Variants in GKAP1 observed in about 807,000 individuals in gnomAD.
The protein encoded by GKAP1 is G kinase-anchoring protein 1.
A neutral mutation model predicts 56.7 loss-of-function variants in GKAP1; 31 were observed. The ratio of observed to expected loss-of-function variants is 0.55; its 90% CI spans 0.41 to 0.74. GKAP1 has a LOEUF of 0.74. Among genes scored for constraint, GKAP1 ranks in the 30% least tolerant of loss-of-function variants. GKAP1 has a pLI of 0.00. For synonymous variants in GKAP1, 151 were observed against 138.6 expected, an observed-to-expected ratio of 1.09 and a Z score of -0.63; for missense variants, 364 against 402.3, an observed-to-expected ratio of 0.90 and a Z score of 0.82.
chr9:83,743,439 A>G (rs1943240692), intron 10 of GKAP1, among the ~76,000 whole-genome samples: 1 of 152,000 alleles, frequency 6.6e-6, no homozygotes, highest in Admixed American at 6.6e-5. Flanking sequence ...TAGTAAAAAC[A>G]CAAAAATTAG....
intron 2 of GKAP1, among the ~76,000 whole-genome samples, chr9:83,811,021 A>G (rs1944499090): frequency 6.6e-6 from 1 of 152,274 alleles, no homozygotes; most frequent in Admixed American, 6.5e-5. Flanking sequence ...AAGAAAAGGT[A>G]CAATAAAAAT....
chr9:83,791,554 GATTTAA>G (rs1179826774), intron 4 of GKAP1, among the ~76,000 whole-genome samples: 1 of 152,152 alleles, frequency 6.6e-6, no homozygotes, highest in Non-Finnish European at 1.5e-5. Context: ...AGACAAAAAT[GATTTAA>G]ATTTAAATTT....
rs1277968830 is a variant in GKAP1, at chr9:83,779,529, A to ATATGTGTATATATATACACGTG, written c.585+831_585+852dup. Among the ~76,000 whole-genome samples, 376 of 130,950 alleles carry ATATGTGTATATATATACACGTG rather than the reference A, an allele frequency of 2.9e-3. 14 individuals carry two copies. Among genetic ancestry groups the ATATGTGTATATATATACACGTG allele is most frequent in the Middle Eastern group, 4.1e-3 (1 of 244 alleles). 85.9% of individuals were successfully genotyped at this position (130,950 alleles called of 152,430 possible). A position where few individuals can be genotyped will look rare whatever the true frequency, so the allele number is the denominator to read the frequency against. On this transcript the variant is annotated intron_variant, in intron 7 of 12. Transcript: ENST00000376371. ...TATATGTGTATATATATACACGTGT[A>ATATGTGTATATATATACACGTG]TATGTGTATATATATACACGTGTAT...
At chr9:83,802,262 C>T (rs1442863570) in intron 3 of GKAP1, among the ~76,000 whole-genome samples, 4 of 151,798 alleles carry the variant, frequency 2.6e-5, no homozygotes, top group Admixed American at 6.6e-5. Flanking sequence ...AGGCGGATCA[C>T]GAGGTCAGGA....
intron 3 of GKAP1, 141 bp from the exon 4 acceptor site, chr9:83,799,469 ATTAT>A: frequency 1.7e-6 from 1 of 598,804 alleles, no homozygotes; most frequent in African/African-American, 1.9e-5. Context: ...AGCTAAAGTT[ATTAT>A]TTGTGTTTTC....
chr9:83,781,701 C>G (rs1461616653), intron 6 of GKAP1, among the ~76,000 whole-genome samples: 1 of 152,152 alleles, frequency 6.6e-6, no homozygotes, highest in African/African-American at 2.4e-5. Context: ...TCATGACTTG[C>G]AAAAGCTGTG....
chr9:83,754,367 A>G (rs1255824754), intron 8 of GKAP1, among the ~76,000 whole-genome samples: 1 of 152,236 alleles, frequency 6.6e-6, no homozygotes, highest in African/African-American at 2.4e-5. Flanking sequence ...GGTTCTATTT[A>G]TCTAAGGAGT....
chr9:83,769,269 T>A (rs1444488480), intron 7 of GKAP1, among the ~76,000 whole-genome samples: 1 of 152,200 alleles, frequency 6.6e-6, no homozygotes, highest in Admixed American at 6.5e-5. Context: ...TCCAATTTAA[T>A]GTGTACAAGA....
intron 7 of GKAP1, among the ~76,000 whole-genome samples, chr9:83,771,503 T>C (rs770511262): frequency 1.3e-5 from 2 of 152,218 alleles, no homozygotes. Context: ...TGAAAAAAAT[T>C]TATTTGTATA....
intron 8 of GKAP1, among the ~76,000 whole-genome samples, chr9:83,761,114 T>TG (rs1943563113): frequency 6.8e-6 from 1 of 147,106 alleles, no homozygotes; most frequent in Admixed American, 6.7e-5. Flanking sequence ...AAATTAAACT[T>TG]GAAAAAAAAC....
chr9:83,807,038 C>T (rs376552270), intron 2 of GKAP1, among the ~76,000 whole-genome samples: 6 of 152,136 alleles, frequency 3.9e-5, no homozygotes, highest in African/African-American at 1.4e-4. Context: ...AGGTTTGATT[C>T]TAGAGACTGT....
intron 2 of GKAP1, among the ~76,000 whole-genome samples, chr9:83,806,796 A>G (rs1250717411): frequency 6.6e-6 from 1 of 152,240 alleles, no homozygotes; most frequent in East Asian, 1.9e-4. Context: ...TCATTTTTCC[A>G]TGTATACTTT....
chr9:83,752,197 T>A (rs981067914), intron 9 of GKAP1, among the ~76,000 whole-genome samples: 3 of 151,850 alleles, frequency 2.0e-5, no homozygotes, highest in African/African-American at 7.3e-5. Flanking sequence ...AGGTCAGGAG[T>A]TCGAGACCAG....
rs1345913892 is a variant in GKAP1 at position 83,797,359 on chromosome 9, TGCC to T, written c.360+1823_360+1825del. Among the ~76,000 whole-genome samples the T allele has an allele frequency of 2.6e-5, 4 of 152,260 alleles. No individual in the cohort carries two copies. The East Asian group carries it at 7.7e-4, about 29-fold the overall frequency. On this transcript the variant is annotated intron_variant, in intron 4 of 12. Transcript: ENST00000376371. ...AACACCCCCTACATTGTATGCTTTC[TGCC>T]TAGTATATAGTCATTGCCTGATCCC... is the stretch of plus-strand genomic sequence containing the variant.
chr9:83,799,112 T>C, intron 4 of GKAP1, 73 bp downstream of exon 4: 1 of 1,290,936 alleles, frequency 7.7e-7, no homozygotes, highest in Admixed American at 1.7e-5. Context: ...GTGACGTGAA[T>C]TCAGAGGCAC....
chr9:83,745,921 G>T (rs1024346217), intron 10 of GKAP1, among the ~76,000 whole-genome samples: 35 of 152,010 alleles, frequency 2.3e-4, no homozygotes, highest in African/African-American at 7.2e-4. Flanking sequence ...CTCCCAAGTA[G>T]CTGGGATTAT....
chr9:83,758,775 CTT>C (rs1296266997), intron 8 of GKAP1, among the ~76,000 whole-genome samples: 1 of 151,372 alleles, frequency 6.6e-6, no homozygotes, highest in Non-Finnish European at 1.5e-5. Flanking sequence ...GACAGACAGA[CTT>C]AGGGTTGATT....
intron 4 of GKAP1, among the ~76,000 whole-genome samples, chr9:83,789,811 C>T (rs1944125382): frequency 6.6e-6 from 1 of 152,096 alleles, no homozygotes; most frequent in South Asian, 2.1e-4. Context: ...CGAAAAATGA[C>T]ATCTACTAGC....
At chr9:83,767,419 G>A (rs1484523408) in intron 8 of GKAP1, among the ~76,000 whole-genome samples, 7 of 151,818 alleles carry the variant, frequency 4.6e-5, no homozygotes. Flanking sequence ...GAGTGCAGTG[G>A]TGTGATCTTG....
Sources: allele counts gnomAD v4.1 joint callset (sites outside exome capture counted in the v4.1 genomes callset), GRCh38; gene constraint gnomAD v4.1.1; transcripts MANE v1.5; gene names NCBI Gene and HGNC (gene_info 2026-07-23, HGNC 2026-07-21).